Variants in TEX9 observed in about 807,000 individuals in gnomAD.
TEX9 encodes testis-expressed protein 9.
Under a neutral mutation model 59.6 loss-of-function variants are expected in TEX9, and 74 were observed. The observed-to-expected ratio is 1.24, with a 90% CI of 1.03 to 1.51. TEX9 has a LOEUF of 1.51. Ranked by LOEUF, TEX9 falls within the 40% of genes most tolerant of loss-of-function variation. The pLI is 0.00. For missense variants in TEX9, 522 were observed against 447.8 expected (o/e 1.17, Z -1.49); for synonymous variants, 186 against 152.2 (o/e 1.22, Z -1.64).
rs574214294 is a variant in TEX9 at position 56,419,417 on chromosome 15, T to G, written c.963+6981T>G. Reference sequence around the variant, plus strand: ...ATTTAACACCTTCAAAATAAATCATTTTTAGTTCACAAGTTTTAGAAAAAC... The same window carrying G: ...ATTTAACACCTTCAAAATAAATCATGTTTAGTTCACAAGTTTTAGAAAAAC... On this transcript the variant is annotated intron_variant, in intron 10 of 12. Transcript: ENST00000352903. Among the ~76,000 whole-genome samples, 9 of 152,024 alleles carry G rather than the reference T, an allele frequency of 5.9e-5. No homozygotes were observed. In the South Asian group the frequency reaches 1.9e-3, roughly 32 times the overall value.
At chr15:56,257,382 A>G (rs1407508246) in intron 1 of TEX9, among the ~76,000 whole-genome samples, 1 of 152,148 alleles carries the variant, frequency 6.6e-6, no homozygotes, top group Non-Finnish European at 1.5e-5. Context: ...GTCTTCCACA[A>G]TGGTTGAACT....
At chr15:56,444,653 G>C in intron 12 of TEX9, 2 of 1,610,184 alleles carry the variant, frequency 1.2e-6, no homozygotes, top group Non-Finnish European at 1.7e-6. Flanking sequence ...TCATGGTTTT[G>C]GCTATTTCAG....
intron 1 of TEX9, among the ~76,000 whole-genome samples, chr15:56,344,241 T>C (rs2046424006): frequency 6.6e-6 from 1 of 152,172 alleles, no homozygotes; most frequent in Non-Finnish European, 1.5e-5. Flanking sequence ...GCATTATCCA[T>C]AATTGCCAAA....
At chr15:56,413,023 G>A (rs1445357469) in intron 10 of TEX9, among the ~76,000 whole-genome samples, 1 of 151,962 alleles carries the variant, frequency 6.6e-6, no homozygotes, top group Non-Finnish European at 1.5e-5. Context: ...CATAGAATTA[G>A]CATTCGGTGC....
At position 56,402,764 on chromosome 15, in the gene TEX9, A is replaced by C. The variant is rs892051857; in HGVS notation, c.828+7930A>C. 1.3e-5 allele frequency among the ~76,000 whole-genome samples: 2 copies of C among 152,246 alleles called. 1 individual carries two copies. The highest frequency in any genetic ancestry group is 2.9e-5 in the Non-Finnish European group (2 of 68,044). ...ATACTGGCAAACTGAATCCAGCAGCATATCAAAAAGCTTATCCAACAAGAT... is the reference window on the plus strand; with the variant it reads ...ATACTGGCAAACTGAATCCAGCAGCCTATCAAAAAGCTTATCCAACAAGAT... On this transcript the variant is annotated intron_variant, in intron 9 of 12. Transcript: ENST00000352903.
the TEX9 span, among the ~76,000 whole-genome samples, chr15:56,452,288 G>C: frequency 6.6e-6 from 1 of 152,078 alleles, no homozygotes; most frequent in African/African-American, 2.4e-5. Flanking sequence ...AAAACTAGGT[G>C]CAAAAGGCCT....
intron 12 of TEX9, among the ~76,000 whole-genome samples, chr15:56,440,899 CTT>C (rs1201549846): frequency 6.6e-6 from 1 of 151,964 alleles, no homozygotes; most frequent in Non-Finnish European, 1.5e-5. Context: ...GTTATTTCTA[CTT>C]TTGGGTTATT....
At chr15:56,394,953 CTCTT>C (rs1204890103) in intron 9 of TEX9, 119 bp downstream of exon 9, 57 of 964,462 alleles carry the variant, frequency 5.9e-5, no homozygotes, top group Non-Finnish European at 8.1e-5. Context: ...TTACTGAAAA[CTCTT>C]TCCCCTTACA....
chr15:56,285,710 A>G (rs1259976302), intron 1 of TEX9, among the ~76,000 whole-genome samples: 3 of 152,210 alleles, frequency 2.0e-5, no homozygotes, highest in Non-Finnish European at 2.9e-5. Flanking sequence ...TGTTTTCAGT[A>G]TGAGCATTAG....
At chr15:56,439,864 A>G (rs1235195895) in intron 12 of TEX9, among the ~76,000 whole-genome samples, 2 of 151,992 alleles carry the variant, frequency 1.3e-5, no homozygotes, top group African/African-American at 4.8e-5. Context: ...TTGACACAGA[A>G]AGCATGATCC....
At chr15:56,439,839 G>A (rs1204874836) in intron 12 of TEX9, among the ~76,000 whole-genome samples, 5 of 149,572 alleles carry the variant, frequency 3.3e-5, no homozygotes, top group Admixed American at 2.7e-4. Flanking sequence ...ATAACTAGGC[G>A]AAGAGTTTCT....
intron 9 of TEX9, among the ~76,000 whole-genome samples, chr15:56,405,952 T>C (rs1205118997): frequency 1.3e-5 from 2 of 152,226 alleles, no homozygotes; most frequent in African/African-American, 2.4e-5. Flanking sequence ...ATCAACTTTA[T>C]TGAAGAATAA....
chr15:56,418,871 C>A (rs558238306), intron 10 of TEX9, among the ~76,000 whole-genome samples: 1 of 151,960 alleles, frequency 6.6e-6, no homozygotes, highest in South Asian at 2.1e-4. Flanking sequence ...TAAAAACATC[C>A]AATGAGCATT....
At chr15:56,249,313 C>T (rs2043950321) in intron 1 of TEX9, among the ~76,000 whole-genome samples, 1 of 152,134 alleles carries the variant, frequency 6.6e-6, no homozygotes, top group East Asian at 1.9e-4. Flanking sequence ...ATGAAGCCTC[C>T]TGGAACAGGA....
Position 56,412,281 on chromosome 15 carries a change from A to G in TEX9, c.829-21A>G, listed in dbSNP as rs772935857. The G allele has an allele frequency of 1.2e-5, 19 of 1,579,680 alleles. No homozygotes were observed. The Admixed American group carries it at 2.5e-4, about 21-fold the overall frequency. On this transcript the variant is annotated intron_variant, in intron 9 of 12. Transcript: ENST00000352903. Reference sequence around the variant, plus strand: ...ACTATGATATATTTATAAATGTTCCATAATCTTTTTTACTATACAGGAATT... The same window carrying G: ...ACTATGATATATTTATAAATGTTCCGTAATCTTTTTTACTATACAGGAATT...
At chr15:56,279,551 C>A (rs1326658148) in intron 1 of TEX9, among the ~76,000 whole-genome samples, 1 of 152,022 alleles carries the variant, frequency 6.6e-6, no homozygotes, top group Non-Finnish European at 1.5e-5. Flanking sequence ...GGAAGAAAAC[C>A]ACAACCACTG....
Position 56,400,790 on chromosome 15 carries a change from G to T in TEX9, c.828+5956G>T, listed in dbSNP as rs1317862058. Among the ~76,000 whole-genome samples the T allele has an allele frequency of 2.6e-5, 4 of 152,208 alleles. No individual in the cohort carries two copies. In the East Asian group the frequency reaches 7.7e-4, roughly 29 times the overall value. On this transcript the variant is annotated intron_variant, in intron 9 of 12. Transcript: ENST00000352903. ...CATCAGACTAACGGGAGATCTCTCAGCAGAAACCCTACAAACCAGAAGAGA... is the reference window on the plus strand; with the variant it reads ...CATCAGACTAACGGGAGATCTCTCATCAGAAACCCTACAAACCAGAAGAGA...
At chr15:56,307,485 A>G (rs2713929) in intron 1 of TEX9, among the ~76,000 whole-genome samples, 143,153 of 152,284 alleles carry the variant, frequency 0.94, 67,901 homozygotes, top group East Asian at 1. Flanking sequence ...AATAGCCTCA[A>G]CTCTGTGATT....
chr15:56,458,258 C>G, the TEX9 span, among the ~76,000 whole-genome samples: 29 of 152,262 alleles, frequency 1.9e-4, no homozygotes, highest in African/African-American at 6.3e-4. Context: ...TGTTGTGTAT[C>G]TATCACCACT....
Sources: gnomAD v4.1 joint callset for allele counts (sites outside exome capture counted in the v4.1 genomes callset) on GRCh38, gnomAD v4.1.1 for gene constraint, MANE v1.5 for transcripts, NCBI Gene and HGNC (gene_info 2026-07-23, HGNC 2026-07-21) for gene names.